AKR1C8: variants seen among roughly 807,000 people sequenced by gnomAD.
AKR1C8 encodes aldo-keto reductase family 1 member C-like protein 1.
At chr10:5,179,096 T>G in the AKR1C8 span, among the ~76,000 whole-genome samples, 7 of 152,328 alleles carry the variant, frequency 4.6e-5, 1 homozygote, top group East Asian at 7.8e-4. Flanking sequence ...CAATTTGGCA[T>G]GATTTTGCAG....
chr10:5,168,477 G>A, the AKR1C8 span, among the ~76,000 whole-genome samples: 32 of 152,118 alleles, frequency 2.1e-4, no homozygotes, highest in African/African-American at 7.5e-4. Flanking sequence ...TACCACTACA[G>A]TCCAGATTCC....
At chr10:5,163,208 G>A in the AKR1C8 span, among the ~76,000 whole-genome samples, 8 of 152,126 alleles carry the variant, frequency 5.3e-5, no homozygotes, top group African/African-American at 1.4e-4. Context: ...ATTCCCAAAT[G>A]AATTAGAGAA....
chr10:5,165,085 A>G, the AKR1C8 span, among the ~76,000 whole-genome samples: 1 of 152,242 alleles, frequency 6.6e-6, no homozygotes, highest in Middle Eastern at 3.4e-3. Context: ...ATTTCTGTCT[A>G]AATTTTCACC....
At chr10:5,154,908 A>T in the AKR1C8 span, 1 of 152,370 alleles carries the variant, frequency 6.6e-6, no homozygotes, top group South Asian at 2.1e-4. Context: ...TCAGGTGGAC[A>T]AAGATGACAC....
the AKR1C8 span, among the ~76,000 whole-genome samples, chr10:5,156,831 T>C: frequency 0.038 from 5,720 of 152,318 alleles, 183 homozygotes; most frequent in Non-Finnish European, 0.06. Flanking sequence ...ATGACTCAAA[T>C]GTCATCTCTT....
chr10:5,174,276 GTC>G, the AKR1C8 span, among the ~76,000 whole-genome samples: 1 of 83,040 alleles, frequency 1.2e-5, no homozygotes, highest in Admixed American at 1.3e-4. Flanking sequence ...GATATGTGAT[GTC>G]TATAAAAAAA....
the AKR1C8 span, chr10:5,122,159 G>A: frequency 7.6e-6 from 3 of 394,216 alleles, no homozygotes; most frequent in African/African-American, 4.3e-5. Flanking sequence ...TCAACTCAAA[G>A]TCAAAAACCT....
At chr10:5,139,868 A>C in the AKR1C8 span, among the ~76,000 whole-genome samples, 2 of 152,166 alleles carry the variant, frequency 1.3e-5, no homozygotes, top group South Asian at 2.1e-4. Flanking sequence ...CAACCTACAG[A>C]ATGGGAGAAA....
At chr10:5,143,968 G>A in the AKR1C8 span, among the ~76,000 whole-genome samples, 1 of 151,970 alleles carries the variant, frequency 6.6e-6, no homozygotes, top group South Asian at 2.1e-4. Flanking sequence ...ACTGTTCTTA[G>A]AGATGCATAA....
chr10:5,117,309 C>T, the AKR1C8 span, among the ~76,000 whole-genome samples: 3 of 151,984 alleles, frequency 2.0e-5, no homozygotes, highest in Non-Finnish European at 4.4e-5. Flanking sequence ...ATAACAAGAC[C>T]TATTTGTACA....
At chr10:5,160,424 C>A in the AKR1C8 span, among the ~76,000 whole-genome samples, 5 of 152,064 alleles carry the variant, frequency 3.3e-5, no homozygotes, top group African/African-American at 1.2e-4. Context: ...TTTTCAAGGG[C>A]AGGTTCACTG....
the AKR1C8 span, among the ~76,000 whole-genome samples, chr10:5,182,398 C>G: frequency 6.6e-6 from 1 of 152,148 alleles, no homozygotes. Flanking sequence ...AGTTCCCAAA[C>G]AGGGTTCCTA....
the AKR1C8 span, among the ~76,000 whole-genome samples, chr10:5,146,479 G>C: frequency 6.6e-6 from 1 of 152,082 alleles, no homozygotes; most frequent in African/African-American, 2.4e-5. Flanking sequence ...TGACCTAAGA[G>C]CTTCTAGATA....
At chr10:5,134,723 A>T in the AKR1C8 span, among the ~76,000 whole-genome samples, 1 of 152,208 alleles carries the variant, frequency 6.6e-6, no homozygotes, top group African/African-American at 2.4e-5. Flanking sequence ...GTCTCCAGAC[A>T]CTGTTACCAC....
At chr10:5,121,996 G>C in the AKR1C8 span, 1 of 236,622 alleles carries the variant, frequency 4.2e-6, no homozygotes, top group Non-Finnish European at 8.7e-6. Context: ...CCTGAATTCA[G>C]GCCTGTCTTC....
At chr10:5,145,212 C>T in the AKR1C8 span, among the ~76,000 whole-genome samples, 14 of 152,178 alleles carry the variant, frequency 9.2e-5, no homozygotes, top group African/African-American at 3.1e-4. Context: ...GGATTAAAGA[C>T]TTAAACGTTA....
chr10:5,168,787 T>C, the AKR1C8 span, among the ~76,000 whole-genome samples: 1 of 152,044 alleles, frequency 6.6e-6, no homozygotes, highest in African/African-American at 2.4e-5. Context: ...AGAGAGCCAA[T>C]ATCCCTTGAA....
At chr10:5,160,541 T>G in the AKR1C8 span, among the ~76,000 whole-genome samples, 1 of 152,320 alleles carries the variant, frequency 6.6e-6, no homozygotes. Flanking sequence ...TTCTCTATGC[T>G]GACCCCTTAT....
the AKR1C8 span, among the ~76,000 whole-genome samples, chr10:5,143,021 A>T: frequency 6.6e-6 from 1 of 152,104 alleles, no homozygotes; most frequent in Non-Finnish European, 1.5e-5. Context: ...ATCAAGTGTA[A>T]CCGTTAATTT....
Sources: gnomAD v4.1 joint callset for allele counts (sites outside exome capture counted in the v4.1 genomes callset) on GRCh38, gnomAD v4.1.1 for gene constraint, MANE v1.5 for transcripts, NCBI Gene and HGNC (gene_info 2026-07-23, HGNC 2026-07-21) for gene names.